ANK1: variants seen among roughly 807,000 people sequenced by gnomAD.
The protein encoded by ANK1 is ankyrin 1.
ANK1 carries 51 observed loss-of-function variants against 210.4 expected under a neutral mutation model. The observed-to-expected ratio is 0.24, with a 90% confidence interval of 0.19 to 0.31. The LOEUF (loss-of-function observed/expected upper bound fraction) is 0.31. Among genes scored for constraint, ANK1 ranks in the 10% least tolerant of loss-of-function variants. The pLI, the probability that ANK1 is intolerant of heterozygous loss-of-function variation, is 1.00. For synonymous variants in ANK1, 967 were observed against 1,025.9 expected, an observed-to-expected ratio of 0.94 and a Z score of 1.10; for missense variants, 2,051 against 2,504.4, an observed-to-expected ratio of 0.82 and a Z score of 3.86.
chr8:41,713,640 CTT>C (rs1311038237), intron 16 of ANK1, among the ~76,000 whole-genome samples: 5 of 152,246 alleles, frequency 3.3e-5, no homozygotes, highest in African/African-American at 9.6e-5. Context: ...AAAGAGGTCT[CTT>C]GTTTCCAGGT....
rs2304876 is a variant in ANK1 at position 41,717,902 on chromosome 8, A to C, written c.1207-200T>G. Among the ~76,000 whole-genome samples, 38,068 of 152,010 alleles carry C rather than the reference A, an allele frequency of 0.25. 4,849 individuals are homozygous for C. Among genetic ancestry groups the C allele is most frequent in the Middle Eastern group, 0.36 (105 of 294 alleles). The stretch of plus-strand genomic sequence containing the variant: ...GTGCCCACTCTTACAACTTGCAAAA[A>C]TTGTGTCTGATCTTGGAAGGCTCCA... On this transcript the variant is annotated intron_variant, in intron 11 of 42. Coordinates refer to ENST00000289734, the MANE Select transcript of ANK1 (RefSeq NM_000037.4).
chr8:41,732,452 A>G (rs535553800), intron 3 of ANK1, among the ~76,000 whole-genome samples: 1 of 152,260 alleles, frequency 6.6e-6, no homozygotes, highest in African/African-American at 2.4e-5. Context: ...TGTCTCTGTC[A>G]CCCAGGCTGG....
chr8:41,809,356 T>C (rs10090395), intron 1 of ANK1, among the ~76,000 whole-genome samples: 44,560 of 152,156 alleles, frequency 0.29, 7,011 homozygotes, highest in Middle Eastern at 0.43. Flanking sequence ...ATAATCATCA[T>C]AGAAATAACG....
Position 41,715,823 on chromosome 8 carries a change from T to C in ANK1, c.1431A>G (p.Ala477=). 1 of 1,614,228 alleles carries C rather than the reference T, an allele frequency of 6.2e-7. No homozygotes were observed. Among genetic ancestry groups the C allele is most frequent in the Non-Finnish European group, 8.5e-7 (1 of 1,180,044 alleles). ...AKDDQTPLHC[A]ARIGHTNMVK... ...CCATGTTTGTGTGGCCGATGCGAGC[T>C]GCACAGTGAAGTGGGGTCTGGTCAT... Residue 477 remains alanine, a synonymous_variant, in exon 14 of 43, where the codon GCA becomes GCG. Transcript: ENST00000289734.
chr8:41,685,908 C>T lies in ANK1; in HGVS notation c.4390+244G>A, dbSNP rs983478223. Among the ~76,000 whole-genome samples, 6 of 152,238 alleles carry T rather than the reference C, an allele frequency of 3.9e-5. No homozygotes were observed. The South Asian group carries it at 1.2e-3, about 31-fold the overall frequency. ...GGGACTACAGGCATGAGCCACTGTG[C>T]CAGGCCTTGCAATTTTTATCTTATT... is the stretch of plus-strand genomic sequence containing the variant. On this transcript the variant is annotated intron_variant, in intron 36 of 42. Coordinates refer to ENST00000289734, the MANE Select transcript of ANK1 (RefSeq NM_000037.4).
At chr8:41,845,331 G>T (rs750085040) in intron 1 of ANK1, among the ~76,000 whole-genome samples, 1 of 150,816 alleles carries the variant, frequency 6.6e-6, no homozygotes, top group African/African-American at 2.4e-5. Flanking sequence ...AGAGGTTGTA[G>T]TTTGCCAAGA....
intron 1 of ANK1, among the ~76,000 whole-genome samples, chr8:41,865,555 T>C (rs921095123): frequency 2.0e-5 from 3 of 152,136 alleles, no homozygotes; most frequent in Admixed American, 6.5e-5. Context: ...TCAGGGCAGA[T>C]GGCCCTGTGG....
chr8:41,702,923 G>T (rs946416761), intron 20 of ANK1, among the ~76,000 whole-genome samples: 9 of 152,068 alleles, frequency 5.9e-5, no homozygotes, highest in Non-Finnish European at 8.8e-5. Context: ...GGAGTCAAGT[G>T]GTTCTTGTGC....
intron 1 of ANK1, among the ~76,000 whole-genome samples, chr8:41,878,964 T>C (rs748605373): frequency 1.3e-5 from 2 of 152,088 alleles, no homozygotes; most frequent in African/African-American, 4.8e-5. Context: ...TCAGGGAGGC[T>C]GAGGCAGGAG....
intron 1 of ANK1, among the ~76,000 whole-genome samples, chr8:41,805,889 G>C (rs1182930710): frequency 6.6e-6 from 1 of 152,138 alleles, no homozygotes; most frequent in Non-Finnish European, 1.5e-5. Context: ...TGGATATGTA[G>C]TTGGAAAAAG....
Position 41,672,679 on chromosome 8 carries a change from C to T in ANK1, c.4771G>A (p.Glu1591Lys). 1.2e-6 allele frequency: 2 copies of T among 1,614,186 alleles called. No homozygotes were observed. The highest frequency in any genetic ancestry group is 1.3e-5 in the African/African-American group (1 of 75,062). The change falls in exon 38 of 43, where the codon GAG becomes AAG. Residue 1591 changes from glutamate to lysine, a missense_variant. Physicochemically the swap from Glu to Lys is moderately conservative, Grantham distance 56. This residue lies in a region of ANK1 where 496 missense variants were observed against 533.4 expected (regional missense o/e 0.93). Coordinates refer to ENST00000289734, the MANE Select transcript of ANK1 (RefSeq NM_000037.4). Reference sequence around the variant, plus strand: ...TCGTGACCTGTGGCATCAGAGTCCTCAGCCTTGCTACACTCCAGAGAGGAG... The same window carrying T: ...TCGTGACCTGTGGCATCAGAGTCCTTAGCCTTGCTACACTCCAGAGAGGAG... ...EDSSLECSKA[E>K]DSDATGHEWK...
At chr8:41,812,360 G>A (rs1802622879) in intron 1 of ANK1, among the ~76,000 whole-genome samples, 2 of 152,192 alleles carry the variant, frequency 1.3e-5, no homozygotes, top group Non-Finnish European at 2.9e-5. Flanking sequence ...AGGGTCAGAT[G>A]TTTGAAGCTG....
chr8:41,727,196 G>C, intron 5 of ANK1, 54 bp downstream of exon 5: 4 of 1,424,436 alleles, frequency 2.8e-6, no homozygotes, highest in Non-Finnish European at 4.0e-6. Flanking sequence ...CCTGAAGCAA[G>C]GTTGTACACC....
chr8:41,679,635 T>G (rs1185035855), intron 37 of ANK1, among the ~76,000 whole-genome samples: 1 of 136,246 alleles, frequency 7.3e-6, no homozygotes, highest in Non-Finnish European at 1.5e-5. Flanking sequence ...CAATCTCGGC[T>G]CACTGCAAGC....
Position 41,714,183 on chromosome 8 carries a change from C to A in ANK1, c.1773G>T (p.Arg591=). The A allele has an allele frequency of 6.8e-7, 1 of 1,460,464 alleles. No individual in the cohort carries two copies. Among genetic ancestry groups the A allele is most frequent in the Admixed American group, 2.0e-5 (1 of 50,906 alleles). The allele number at this position is 1,460,464 out of a possible 1,614,324, so 90.5% of individuals were successfully genotyped here. ...AGGCAGGGCTGTGCGGGGAGCCGCC[C>A]CGGGGAAGCAGCAGCTTGACGATGT... ...NLDIVKLLLP[R]GGSPHSPAWN... Residue 591 remains arginine (R), a synonymous_variant, in exon 16 of 43, where the codon CGG becomes CGT. Coordinates refer to ENST00000289734, the MANE Select transcript of ANK1 (RefSeq NM_000037.4).
chr8:41,697,923 G>T, intron 24 of ANK1, 120 bp downstream of exon 24: 1 of 925,932 alleles, frequency 1.1e-6, no homozygotes, highest in Non-Finnish European at 1.7e-6. Flanking sequence ...CAGTTGGACA[G>T]TGAGTGGCAT....
chr8:41,686,257 C>A lies in ANK1; in HGVS notation c.4285G>T (p.Val1429Leu). 3 of 1,613,960 alleles carry A rather than the reference C, an allele frequency of 1.9e-6. No individual in the cohort carries two copies. Among genetic ancestry groups the A allele is most frequent in the Non-Finnish European group, 2.5e-6 (3 of 1,180,034 alleles). ...ACTCGGATCCTGTTGATGTCTTCCA[C>A]ACTGAACTGCAGCTCCCGGGCCAAC... ...AELARELQFS[V>L]EDINRIRVEN... Residue 1429 changes from valine to leucine, a missense_variant, in exon 36 of 43, where the codon GTG becomes TTG. Around this residue, in one of 6 missense-constraint regions of ANK1, gnomAD observed 39 missense variants for 75.1 expected, o/e 0.52. Transcript: ENST00000289734.
intron 42 of ANK1, among the ~76,000 whole-genome samples, 163 bp from the exon 43 acceptor site, chr8:41,655,916 C>T (rs759375356): frequency 1.4e-4 from 21 of 152,252 alleles, no homozygotes; most frequent in Admixed American, 4.6e-4. Context: ...GCACTTGCAG[C>T]CCGACTTCCT....
chr8:41,736,961 A>G (rs967781884), intron 2 of ANK1, among the ~76,000 whole-genome samples: 5 of 152,172 alleles, frequency 3.3e-5, no homozygotes, highest in African/African-American at 1.2e-4. Flanking sequence ...ACCAACCTGG[A>G]TTTCCCAGAA....
Sources: allele counts gnomAD v4.1 joint callset (sites outside exome capture counted in the v4.1 genomes callset), GRCh38; gene constraint gnomAD v4.1.1; regional missense constraint gnomAD v4.1.1; transcripts MANE v1.5; gene names NCBI Gene and HGNC (gene_info 2026-07-23, HGNC 2026-07-21).